NPAS4: variants seen among roughly 807,000 people sequenced by gnomAD.
The protein encoded by NPAS4 is neuronal PAS domain-containing protein 4.
NPAS4 carries 10 observed loss-of-function variants against 64.0 expected under a neutral mutation model. The observed-to-expected ratio is 0.16, with a 90% confidence interval of 0.10 to 0.26. The LOEUF is 0.26. Among genes scored for constraint, NPAS4 ranks in the 10% least tolerant of loss-of-function variants. The pLI is 1.00. For synonymous variants in NPAS4, 441 were observed against 411.7 expected, an observed-to-expected ratio of 1.07 and a Z score of -0.86; for missense variants, 886 against 992.6, an observed-to-expected ratio of 0.89 and a Z score of 1.44.
At chr11:66,420,150 G>T (rs1395084705), upstream of NPAS4, among the ~76,000 whole-genome samples, 1 of 152,248 alleles carries the variant, frequency 6.6e-6, no homozygotes, top group East Asian at 1.9e-4. Context: ...GCAACGGGGG[G>T]AAGGGATGCC....
chr11:66,423,087 A>T (rs1343224126), intron 4 of NPAS4, 36 bp from the exon 5 acceptor site: 1 of 1,539,982 alleles, frequency 6.5e-7, no homozygotes, highest in South Asian at 1.2e-5. Context: ...AAGCAAGGAA[A>T]ACAGAAAGCT....
chr11:66,422,535 C>T lies in NPAS4; in HGVS notation c.412C>T (p.Pro138Ser), dbSNP rs780119454. Reference sequence around the variant, plus strand: ...CACTGTGCGCCAGCAACTCACCCTGCCCTCTGCCCTGGACACTGGTAAGGA... The same window carrying T: ...CACTGTGCGCCAGCAACTCACCCTGTCCTCTGCCCTGGACACTGGTAAGGA... ...HLTVRQQLTL[P>S]SALDTDRLFR... is the part of the protein sequence containing the mutation. Residue 138 changes from proline (P) to serine (S), a missense_variant, in exon 3 of 8, where the codon CCC (proline) becomes TCC (serine). Physicochemically the swap from Pro to Ser is moderately conservative, Grantham distance 74. Coordinates refer to ENST00000311034, the MANE Select transcript of NPAS4 (RefSeq NM_178864.4). 2 of 1,613,702 alleles carry T rather than the reference C, an allele frequency of 1.2e-6. No homozygotes were observed. The highest frequency in any genetic ancestry group is 2.2e-5 in the East Asian group (1 of 44,882).
In NPAS4 at chr11:66,422,950, G is replaced by T; in HGVS notation, c.698+9G>T. 3.1e-6 allele frequency: 5 copies of T among 1,601,560 alleles called. No homozygotes were observed. Among genetic ancestry groups the T allele is most frequent in the Non-Finnish European group, 4.2e-6 (5 of 1,178,810 alleles). ...CTGGACATCTCCGAGAGGTAAGCCT[G>T]GAGTGTTCAGATTCCAAGAGAAAGG... On this transcript the variant is annotated intron_variant, in intron 4 of 7. Coordinates refer to ENST00000311034, the MANE Select transcript of NPAS4 (RefSeq NM_178864.4).
chr11:66,416,268 G>C (rs1349941787), upstream of NPAS4, among the ~76,000 whole-genome samples: 1 of 152,192 alleles, frequency 6.6e-6, no homozygotes, highest in Middle Eastern at 3.2e-3. Context: ...GGTAGCAGCA[G>C]CCTGCCAGAA....
rs763663656 is a variant in NPAS4, at chr11:66,422,578, C to G, written c.430+25C>G. 4 of 1,603,516 alleles carry G rather than the reference C, an allele frequency of 2.5e-6. No homozygotes were observed. In the Admixed American group the frequency reaches 5.0e-5, roughly 20 times the overall value. ...GGTAAGGACTCCCTTCTCCCTTCCT[C>G]GGTCCAATTTCCCACCTGCTGCCCT... On this transcript the variant is annotated intron_variant, in intron 3 of 7. Coordinates refer to ENST00000311034, the MANE Select transcript of NPAS4 (RefSeq NM_178864.4).
At chr11:66,416,772 C>T (rs1008961886), upstream of NPAS4, 1 of 152,370 alleles carries the variant, frequency 6.6e-6, no homozygotes, top group Non-Finnish European at 1.5e-5. Context: ...TTCCCTTCCT[C>T]CCCCTTTCTC....
chr11:66,422,834 G>A lies in NPAS4; in HGVS notation c.591G>A (p.Pro197=), dbSNP rs771697883. ...CAGCTTTCTGTGCCCCTCTGGAGCCGAGACCCCGCCCAGGTCCTGGCCCTG... is the reference window on the plus strand; with the variant it reads ...CAGCTTTCTGTGCCCCTCTGGAGCCAAGACCCCGCCCAGGTCCTGGCCCTG... The part of the protein sequence containing the change: ...VFTAFCAPLE[P]RPRPGPGPGP... The change falls in exon 4 of 8, where the codon CCG becomes CCA. Residue 197 remains proline (P), a synonymous_variant. Transcript: ENST00000311034. 1.9e-6 allele frequency: 3 copies of A among 1,613,928 alleles called. No homozygotes were observed. The highest frequency in any genetic ancestry group is 3.3e-5 in the Admixed American group (2 of 60,028).
upstream of NPAS4, among the ~76,000 whole-genome samples, chr11:66,419,992 C>G (rs1040158600): frequency 2.6e-5 from 4 of 152,134 alleles, no homozygotes; most frequent in African/African-American, 7.2e-5. Flanking sequence ...CGGAGGCAGC[C>G]AGGCCCCGCC....
chr11:66,409,423 G>A, the NPAS4 span: 1 of 152,254 alleles, frequency 6.6e-6, no homozygotes, highest in East Asian at 1.9e-4. Context: ...AGCGCCTTCG[G>A]GGATCCTCTC....
chr11:66,421,480 CG>C (rs1856741085), intron 1 of NPAS4, 126 bp downstream of exon 1: 1 of 750,920 alleles, frequency 1.3e-6, no homozygotes, highest in East Asian at 2.6e-5. Flanking sequence ...ATTCGGGACT[CG>C]GGAGATTCGG....
At chr11:66,425,739 T>C (rs568465768) in intron 7 of NPAS4, among the ~76,000 whole-genome samples, 1 of 152,278 alleles carries the variant, frequency 6.6e-6, no homozygotes, top group Non-Finnish European at 1.5e-5. Flanking sequence ...CCTGACTCCA[T>C]TGAGGTAGCT....
intron 1 of NPAS4, among the ~76,000 whole-genome samples, chr11:66,421,748 C>T (rs896027184): frequency 6.6e-6 from 1 of 152,238 alleles, no homozygotes; most frequent in Non-Finnish European, 1.5e-5. Context: ...CTGTCGCCTT[C>T]GGGGCGCTGC....
rs994563861 is a variant in NPAS4 at position 66,425,819 on chromosome 11, A to C, written c.2381-142A>C. ...ACTCCGTCCATCCAAATTGCCCCCT[A>C]ATCTACTGAGCCTCTGGCCATCATT... On this transcript the variant is annotated intron_variant, in intron 7 of 7. Coordinates refer to ENST00000311034, the MANE Select transcript of NPAS4 (RefSeq NM_178864.4). The C allele has an allele frequency of 4.6e-6, 3 of 656,652 alleles. No homozygotes were observed. In the African/African-American group the frequency reaches 5.4e-5, roughly 12 times the overall value. 40.7% of individuals were successfully genotyped at this position (656,652 alleles called of 1,614,324 possible).
At chr11:66,418,562 C>A (rs1051613493), upstream of NPAS4, among the ~76,000 whole-genome samples, 1 of 152,038 alleles carries the variant, frequency 6.6e-6, no homozygotes, top group African/African-American at 2.4e-5. Context: ...TCAGAGTGGG[C>A]GAACTAGGAT....
At chr11:66,422,400 T>C in intron 2 of NPAS4, 51 bp from the exon 3 acceptor site, 2 of 1,500,896 alleles carry the variant, frequency 1.3e-6, no homozygotes, top group African/African-American at 1.4e-5. Context: ...AGATCAAAGA[T>C]TGGCTCCTGC....
chr11:66,415,477 G>C, the NPAS4 span, among the ~76,000 whole-genome samples: 1 of 152,230 alleles, frequency 6.6e-6, no homozygotes, highest in African/African-American at 2.4e-5. Context: ...GGATCAATTA[G>C]TAAAAAGTGT....
At chr11:66,415,343 C>A in the NPAS4 span, among the ~76,000 whole-genome samples, 1 of 152,158 alleles carries the variant, frequency 6.6e-6, no homozygotes, top group East Asian at 1.9e-4. Context: ...GTAAAGGGGG[C>A]TGAAATGATA....
At chr11:66,422,616 C>T in intron 3 of NPAS4, 58 bp from the exon 4 acceptor site, 1 of 1,602,476 alleles carries the variant, frequency 6.2e-7, no homozygotes, top group Non-Finnish European at 8.6e-7. Context: ...TCCCCACCAT[C>T]CACTGTCTCT....
chr11:66,423,625 G>T lies in NPAS4; in HGVS notation c.856G>T (p.Ala286Ser). Residue 286 changes from alanine to serine, a missense_variant, in exon 6 of 8, where the codon GCC becomes TCC. Transcript: ENST00000311034. ...GGCAGAGATGGTGGTGAGGCTACAGGCCAAGACTGGAGGCTGGGCATGGAT... is the reference window on the plus strand; with the variant it reads ...GGCAGAGATGGTGGTGAGGCTACAGTCCAAGACTGGAGGCTGGGCATGGAT... ...IQAEMVVRLQ[A>S]KTGGWAWIYC... is the part of the protein sequence containing the mutation. 2 of 1,614,130 alleles carry T rather than the reference G, an allele frequency of 1.2e-6. No homozygotes were observed. Among genetic ancestry groups the T allele is most frequent in the Middle Eastern group, 1.7e-4 (1 of 6,058 alleles).
Sources: gnomAD v4.1 joint callset for allele counts (sites outside exome capture counted in the v4.1 genomes callset) on GRCh38, gnomAD v4.1.1 for gene constraint, MANE v1.5 for transcripts, NCBI Gene and HGNC (gene_info 2026-07-23, HGNC 2026-07-21) for gene names.